CDH13: variants seen among roughly 807,000 people sequenced by gnomAD.
CDH13 encodes the protein cadherin-13.
Under a neutral mutation model 63.8 loss-of-function variants are expected in CDH13, and 24 were observed. The ratio of observed to expected loss-of-function variants is 0.38; its 90% CI spans 0.27 to 0.53. CDH13 has a LOEUF of 0.53. Among genes scored for constraint, CDH13 ranks in the 20% least tolerant of loss-of-function variants. CDH13 has a pLI of 0.85. For synonymous variants in CDH13, 503 were observed against 355.3 expected (o/e 1.42, Z -4.67); for missense variants, 1,049 against 903.1 (o/e 1.16, Z -2.07).
intron 6 of CDH13, among the ~76,000 whole-genome samples, chr16:83,483,053 A>C (rs187419376): frequency 2.2e-4 from 34 of 152,304 alleles, no homozygotes; most frequent in African/African-American, 7.5e-4. Flanking sequence ...TCCTCACAAC[A>C]ACCAAAGGGG....
chr16:83,002,197 T>C (rs987615575), intron 2 of CDH13, among the ~76,000 whole-genome samples: 2 of 152,188 alleles, frequency 1.3e-5, no homozygotes, highest in Non-Finnish European at 2.9e-5. Context: ...GTTAAGAATC[T>C]GATAATGAGA....
chr16:83,482,549 T>A (rs759156871), intron 6 of CDH13, among the ~76,000 whole-genome samples: 2 of 152,180 alleles, frequency 1.3e-5, no homozygotes, highest in Non-Finnish European at 2.9e-5. Context: ...TCGGAACCAA[T>A]TTAGAGAATG....
At position 83,760,224 on chromosome 16, in the gene CDH13, G is replaced by A. The variant is rs114017558; in HGVS notation, c.1681+11974G>A. 4.7e-3 allele frequency among the ~76,000 whole-genome samples: 712 copies of A among 152,292 alleles called. 5 individuals are homozygous for A. Among genetic ancestry groups the A allele is most frequent in the African/African-American group, 0.016 (683 of 41,556 alleles). ...TGAAAAATACCCAGTGCTGGCAATGGTGTGAAATAATTGGAACTCTCCTAC... is the reference window on the plus strand; with the variant it reads ...TGAAAAATACCCAGTGCTGGCAATGATGTGAAATAATTGGAACTCTCCTAC... On this transcript the variant is annotated intron_variant, in intron 11 of 13. Coordinates refer to ENST00000567109, the MANE Select transcript of CDH13 (RefSeq NM_001257.5).
intron 3 of CDH13, among the ~76,000 whole-genome samples, chr16:83,105,145 T>C (rs1342166459): frequency 1.3e-5 from 2 of 152,194 alleles, no homozygotes; most frequent in Non-Finnish European, 2.9e-5. Context: ...TTAGCTATTT[T>C]AAGAGGAGGA....
intron 2 of CDH13, among the ~76,000 whole-genome samples, chr16:82,935,828 T>C (rs941837874): frequency 1.3e-5 from 2 of 152,100 alleles, no homozygotes; most frequent in African/African-American, 4.8e-5. Context: ...ACGAGGAGTT[T>C]AGGAGTGGAG....
intron 6 of CDH13, among the ~76,000 whole-genome samples, chr16:83,423,479 T>A (rs2071779457): frequency 6.6e-6 from 1 of 150,858 alleles, no homozygotes; most frequent in African/African-American, 2.4e-5. Context: ...ACAGAGGGTA[T>A]CCCTGACAGC....
At chr16:82,914,720 C>T (rs369391867) in intron 2 of CDH13, among the ~76,000 whole-genome samples, 15 of 152,198 alleles carry the variant, frequency 9.9e-5, no homozygotes, top group Admixed American at 3.9e-4. Context: ...AAATGGAACA[C>T]GGCTGTCCTG....
At chr16:83,417,298 T>G (rs955138590) in intron 6 of CDH13, among the ~76,000 whole-genome samples, 3 of 152,184 alleles carry the variant, frequency 2.0e-5, no homozygotes, top group African/African-American at 7.2e-5. Context: ...AGCCTCCCTT[T>G]CCGGTTTTCT....
intron 7 of CDH13, among the ~76,000 whole-genome samples, chr16:83,571,803 T>C (rs1024359365): frequency 1.3e-5 from 2 of 152,224 alleles, no homozygotes; most frequent in Admixed American, 6.5e-5. Flanking sequence ...CTCAATTCTA[T>C]GCAGCTAGGT....
intron 5 of CDH13, among the ~76,000 whole-genome samples, chr16:83,295,973 A>G (rs537181919): frequency 3.7e-4 from 56 of 152,298 alleles, no homozygotes; most frequent in Non-Finnish European, 7.1e-4. Context: ...AATTGAAAGA[A>G]TTAAAATTGT....
At chr16:83,039,746 A>G (rs1415008419) in intron 3 of CDH13, among the ~76,000 whole-genome samples, 1 of 150,376 alleles carries the variant, frequency 6.6e-6, no homozygotes, top group East Asian at 2.0e-4. Flanking sequence ...CCTACATTGA[A>G]CTCTCCCTCC....
At chr16:83,714,199 C>T (rs1209672511) in intron 10 of CDH13, among the ~76,000 whole-genome samples, 3 of 152,186 alleles carry the variant, frequency 2.0e-5, no homozygotes, top group African/African-American at 7.2e-5. Flanking sequence ...TAGTAAATGG[C>T]ACTTTAGACC....
intron 1 of CDH13, among the ~76,000 whole-genome samples, chr16:82,643,859 C>G (rs541818348): frequency 6.6e-6 from 1 of 151,620 alleles, no homozygotes; most frequent in Non-Finnish European, 1.5e-5. Flanking sequence ...CCTCTTGCCT[C>G]AGTTCTGGAA....
intron 4 of CDH13, among the ~76,000 whole-genome samples, chr16:83,203,965 C>T (rs1370050548): frequency 6.6e-6 from 1 of 152,184 alleles, no homozygotes; most frequent in African/African-American, 2.4e-5. Flanking sequence ...TAAAGATGTT[C>T]CTGCCAAGAG....
chr16:83,011,202 T>C (rs1172832481), intron 2 of CDH13, among the ~76,000 whole-genome samples: 1 of 152,146 alleles, frequency 6.6e-6, no homozygotes, highest in Non-Finnish European at 1.5e-5. Flanking sequence ...TTTTTCTACA[T>C]CTACCACACA....
intron 1 of CDH13, among the ~76,000 whole-genome samples, chr16:82,635,698 G>T (rs1213556909): frequency 6.6e-6 from 1 of 152,192 alleles, no homozygotes; most frequent in Non-Finnish European, 1.5e-5. Context: ...CAGAGATGGG[G>T]CAGGTGATTG....
intron 6 of CDH13, among the ~76,000 whole-genome samples, chr16:83,364,003 C>G (rs946901171): frequency 3.3e-5 from 5 of 152,080 alleles, no homozygotes; most frequent in African/African-American, 1.2e-4. Context: ...GAATCTCATT[C>G]CCTCCACACT....
At chr16:82,740,640 T>C (rs2033886521) in intron 1 of CDH13, among the ~76,000 whole-genome samples, 1 of 152,220 alleles carries the variant, frequency 6.6e-6, no homozygotes, top group Non-Finnish European at 1.5e-5. Flanking sequence ...CATGGACGTC[T>C]CATTCTTCTG....
At chr16:82,920,833 A>G (rs982253798) in intron 2 of CDH13, among the ~76,000 whole-genome samples, 6 of 152,202 alleles carry the variant, frequency 3.9e-5, no homozygotes. Flanking sequence ...CATCTATTAA[A>G]CATTTATACC....
Sources: gnomAD v4.1 joint callset for allele counts (sites outside exome capture counted in the v4.1 genomes callset) on GRCh38, gnomAD v4.1.1 for gene constraint, MANE v1.5 for transcripts, NCBI Gene and HGNC (gene_info 2026-07-23, HGNC 2026-07-21) for gene names.